Variants in STAU2 observed in about 807,000 individuals in gnomAD.
The protein encoded by STAU2 is staufen double-stranded RNA binding protein 2, also known as double-stranded RNA-binding protein Staufen homolog 2.
A neutral mutation model predicts 65.9 loss-of-function variants in STAU2; 20 were observed. The ratio of observed to expected loss-of-function variants is 0.30; its 90% CI spans 0.21 to 0.44. STAU2 has a LOEUF of 0.44. STAU2 is among the 20% of genes least tolerant of loss of function. The probability of loss-of-function intolerance (pLI) is 1.00; values close to 1 mark genes in which losing one functional copy is unlikely to be tolerated. For missense variants in STAU2, 558 were observed against 683.9 expected, an observed-to-expected ratio of 0.82 and a Z score of 2.05; for synonymous variants, 232 against 233.9, an observed-to-expected ratio of 0.99 and a Z score of 0.07.
Position 73,733,342 on chromosome 8 carries a change from A to G in STAU2, c.-18+4942T>C, listed in dbSNP as rs577445027. Among the ~76,000 whole-genome samples, 8 of 152,300 alleles carry G rather than the reference A, an allele frequency of 5.3e-5. No individual in the cohort carries two copies. The East Asian group carries it at 1.5e-3, about 29-fold the overall frequency. ...ACCTGTCAAGCCTACCTCACCAGCTAATCTCCAAAACTTGGCCCTACTTCA... is the reference window on the plus strand; with the variant it reads ...ACCTGTCAAGCCTACCTCACCAGCTGATCTCCAAAACTTGGCCCTACTTCA... On this transcript the variant is annotated intron_variant, in intron 3 of 14. Coordinates refer to ENST00000524300, the MANE Select transcript of STAU2 (RefSeq NM_001164380.2).
intron 3 of STAU2, among the ~76,000 whole-genome samples, chr8:73,733,613 T>C (rs1806227181): frequency 6.6e-6 from 1 of 152,058 alleles, no homozygotes; most frequent in African/African-American, 2.4e-5. Flanking sequence ...CAGAAAATTA[T>C]CAGAGGGCAT....
intron 6 of STAU2, among the ~76,000 whole-genome samples, chr8:73,630,677 G>A (rs192811490): frequency 1.2e-4 from 18 of 152,248 alleles, no homozygotes; most frequent in Admixed American, 2.0e-4. Flanking sequence ...GAAAAAGCAC[G>A]AGCTTTGATG....
At chr8:73,500,285 G>C (rs1821669372) in intron 13 of STAU2, among the ~76,000 whole-genome samples, 1 of 151,874 alleles carries the variant, frequency 6.6e-6, no homozygotes, top group African/African-American at 2.4e-5. Context: ...ATTACCTCTA[G>C]ATTACTTATA....
intron 3 of STAU2, among the ~76,000 whole-genome samples, chr8:73,731,574 C>T (rs1806073816): frequency 6.6e-6 from 1 of 152,116 alleles, no homozygotes; most frequent in African/African-American, 2.4e-5. Flanking sequence ...TTTATAAATT[C>T]TCAAGTTATT....
intron 5 of STAU2, among the ~76,000 whole-genome samples, chr8:73,686,504 T>G (rs1308481446): frequency 3.3e-5 from 5 of 150,094 alleles, no homozygotes; most frequent in South Asian, 2.1e-4. Flanking sequence ...GAGCCGAGAT[T>G]GCACCACTGC....
chr8:73,699,051 C>T (rs1294064133), intron 4 of STAU2, among the ~76,000 whole-genome samples: 1 of 151,732 alleles, frequency 6.6e-6, no homozygotes, highest in African/African-American at 2.4e-5. Flanking sequence ...TTGGAAACTA[C>T]ACAAACACAT....
chr8:73,609,802 C>G (rs1812314314), intron 9 of STAU2, among the ~76,000 whole-genome samples: 2 of 152,056 alleles, frequency 1.3e-5, no homozygotes, highest in Non-Finnish European at 2.9e-5. Context: ...GTAGTATGCC[C>G]AGTTCATGAA....
chr8:73,451,792 A>G (rs527656447), intron 13 of STAU2, among the ~76,000 whole-genome samples: 2 of 152,168 alleles, frequency 1.3e-5, no homozygotes, highest in South Asian at 4.2e-4. Flanking sequence ...GTTCCTTTTA[A>G]AAATAGTATA....
intron 10 of STAU2, among the ~76,000 whole-genome samples, chr8:73,598,226 CTT>C (rs138249622): frequency 0.028 from 3,677 of 129,250 alleles, 109 homozygotes; most frequent in African/African-American, 0.096. Flanking sequence ...AAGAAGAAAA[CTT>C]TTTTTTTTTT....
At chr8:73,485,701 G>A (rs1310577695) in intron 13 of STAU2, among the ~76,000 whole-genome samples, 1 of 152,058 alleles carries the variant, frequency 6.6e-6, no homozygotes, top group Admixed American at 6.6e-5. Context: ...CCGGGCATGA[G>A]CACAAGCCTA....
intron 6 of STAU2, among the ~76,000 whole-genome samples, chr8:73,642,136 A>G (rs1278955025): frequency 6.6e-6 from 1 of 152,102 alleles, no homozygotes; most frequent in Non-Finnish European, 1.5e-5. Flanking sequence ...TTTCTATTTT[A>G]TTGCAATAAT....
chr8:73,651,042 C>A (rs1194881896), intron 6 of STAU2, among the ~76,000 whole-genome samples: 1 of 152,204 alleles, frequency 6.6e-6, no homozygotes, highest in Non-Finnish European at 1.5e-5. Context: ...CACCTTGTGG[C>A]GGGCAGCAGC....
chr8:73,464,850 T>G (rs1039059610), intron 13 of STAU2, among the ~76,000 whole-genome samples: 3 of 152,174 alleles, frequency 2.0e-5, no homozygotes, highest in African/African-American at 7.2e-5. Context: ...AAACGATCTC[T>G]TTCAGAGTGA....
At chr8:73,633,392 A>G (rs899236216) in intron 6 of STAU2, among the ~76,000 whole-genome samples, 2 of 152,208 alleles carry the variant, frequency 1.3e-5, no homozygotes, top group African/African-American at 4.8e-5. Context: ...GAATGATTGC[A>G]AGGGAGAGAC....
chr8:73,725,921 C>G (rs1247806294), intron 3 of STAU2, among the ~76,000 whole-genome samples: 2 of 151,998 alleles, frequency 1.3e-5, no homozygotes, highest in Non-Finnish European at 2.9e-5. Context: ...AAACCTGTCT[C>G]AAGACCTGTC....
chr8:73,482,254 C>G lies in STAU2; in HGVS notation c.1531-59552G>C, dbSNP rs571782625. Among the ~76,000 whole-genome samples the G allele has an allele frequency of 5.9e-5, 9 of 152,004 alleles. No homozygotes were observed. In the South Asian group the frequency reaches 1.5e-3, roughly 25 times the overall value. ...GCAGATAAACTCCCTGACTCCAACT[C>G]CTGGAGAATTCCCACCGGGGCCACC... On this transcript the variant is annotated intron_variant, in intron 13 of 14. Transcript: ENST00000524300.
intron 3 of STAU2, among the ~76,000 whole-genome samples, chr8:73,716,884 G>A (rs964910542): frequency 6.6e-6 from 1 of 151,958 alleles, no homozygotes; most frequent in Non-Finnish European, 1.5e-5. Context: ...CAGGTGGATC[G>A]TTTTAGGTCA....
intron 3 of STAU2, among the ~76,000 whole-genome samples, chr8:73,719,505 G>A (rs1649103210): frequency 6.6e-6 from 1 of 152,194 alleles, no homozygotes; most frequent in East Asian, 1.9e-4. Context: ...CTTCTAGTTT[G>A]CTGAGAGTCT....
intron 11 of STAU2, among the ~76,000 whole-genome samples, chr8:73,586,227 C>T (rs1810355840): frequency 6.6e-6 from 1 of 152,170 alleles, no homozygotes; most frequent in Non-Finnish European, 1.5e-5. Context: ...CAACAAAGAG[C>T]TCACAGTAAG....
Sources: gnomAD v4.1 joint callset for allele counts (sites outside exome capture counted in the v4.1 genomes callset) on GRCh38, gnomAD v4.1.1 for gene constraint, MANE v1.5 for transcripts, NCBI Gene and HGNC (gene_info 2026-07-23, HGNC 2026-07-21) for gene names.